LRBA: variants seen among roughly 807,000 people sequenced by gnomAD.
The protein encoded by LRBA is lipopolysaccharide-responsive and beige-like anchor protein.
A neutral mutation model predicts 330.0 loss-of-function variants in LRBA; 176 were observed. The ratio of observed to expected loss-of-function variants is 0.53; its 90% CI spans 0.47 to 0.60. LRBA has a LOEUF of 0.60. LRBA is among the 20% of genes least tolerant of loss of function. LRBA has a pLI of 0.00. For missense variants in LRBA, 3,259 were observed against 3,444.8 expected (o/e 0.95, Z 1.35); for synonymous variants, 1,230 against 1,193.0 (o/e 1.03, Z -0.64).
intron 34 of LRBA, among the ~76,000 whole-genome samples, chr4:150,789,776 G>A (rs1028380772): frequency 2.0e-5 from 3 of 151,954 alleles, no homozygotes; most frequent in Non-Finnish European, 4.4e-5. Flanking sequence ...TCAGTAGATT[G>A]ATTAGAATAG....
Position 150,817,225 on chromosome 4 carries a change from A to T in LRBA, c.5204T>A (p.Val1735Asp), listed in dbSNP as rs780962846. ...SVIVAAKKSA[V>D]SPSTFNTSIP... ...GCTTGTATTAAAGGTGGAAGGTGAG[A>T]CTGCTGACTTTTTTGCTGCAACAAT... The change falls in exon 31 of 57, where the codon GTC (valine) becomes GAC (aspartate). Residue 1735 changes from valine to aspartate, a missense_variant. Physicochemically the swap from Val to Asp is radical, Grantham distance 152 (BLOSUM62 -3). Transcript: ENST00000651943. 6.2e-7 allele frequency: 1 copy of T among 1,612,248 alleles called. No individual in the cohort carries two copies. Among genetic ancestry groups the T allele is most frequent in the South Asian group, 1.1e-5 (1 of 91,016 alleles).
chr4:150,576,676 C>T (rs1770585123), intron 40 of LRBA, among the ~76,000 whole-genome samples: 1 of 151,766 alleles, frequency 6.6e-6, no homozygotes, highest in South Asian at 2.1e-4. Context: ...CTATATAATA[C>T]AAGAATTATA....
At chr4:150,941,214 G>A (rs1041474821) in intron 2 of LRBA, among the ~76,000 whole-genome samples, 1 of 152,010 alleles carries the variant, frequency 6.6e-6, no homozygotes, top group Admixed American at 6.6e-5. Flanking sequence ...CTGGAGTTCA[G>A]CAGCATCGGC....
At chr4:150,278,782 G>A (rs1355079776) in intron 55 of LRBA, among the ~76,000 whole-genome samples, 1 of 151,874 alleles carries the variant, frequency 6.6e-6, no homozygotes, top group Non-Finnish European at 1.5e-5. Context: ...CATGACACAT[G>A]AATATTTATA....
intron 30 of LRBA, among the ~76,000 whole-genome samples, chr4:150,825,924 A>C (rs1746197651): frequency 6.6e-6 from 1 of 152,206 alleles, no homozygotes; most frequent in Non-Finnish European, 1.5e-5. Flanking sequence ...TATTGTAAAG[A>C]AAAGGAAGTT....
At chr4:150,980,808 T>A (rs1283094185) in intron 2 of LRBA, among the ~76,000 whole-genome samples, 1 of 152,114 alleles carries the variant, frequency 6.6e-6, no homozygotes, top group African/African-American at 2.4e-5. Context: ...AAATCAACAT[T>A]TGAATATCAG....
At chr4:150,605,161 A>T (rs1342796003) in intron 37 of LRBA, among the ~76,000 whole-genome samples, 25 of 152,212 alleles carry the variant, frequency 1.6e-4, no homozygotes, top group Admixed American at 1.6e-3. Flanking sequence ...TAATTACTGA[A>T]ATCAGTGGTA....
intron 2 of LRBA, among the ~76,000 whole-genome samples, chr4:150,984,284 G>A (rs886130853): frequency 4.6e-5 from 7 of 151,816 alleles, no homozygotes; most frequent in South Asian, 4.1e-4. Context: ...AGGCCAAGGC[G>A]GGCGGATCAC....
intron 37 of LRBA, among the ~76,000 whole-genome samples, chr4:150,604,680 A>G (rs770944772): frequency 6.6e-6 from 1 of 152,168 alleles, no homozygotes; most frequent in Non-Finnish European, 1.5e-5. Context: ...GCACAACTCC[A>G]GGGGGCACTT....
chr4:150,492,636 T>A (rs1461224861), intron 40 of LRBA, among the ~76,000 whole-genome samples: 1 of 152,122 alleles, frequency 6.6e-6, no homozygotes, highest in Non-Finnish European at 1.5e-5. Flanking sequence ...AAAATACAAA[T>A]CAGATCACAT....
chr4:150,341,488 C>T (rs1374001056), intron 48 of LRBA, among the ~76,000 whole-genome samples: 1 of 152,010 alleles, frequency 6.6e-6, no homozygotes. Flanking sequence ...TTCTTATGCT[C>T]TCCCTTCCTA....
chr4:150,610,936 T>C (rs1364469755), intron 37 of LRBA, among the ~76,000 whole-genome samples: 1 of 152,120 alleles, frequency 6.6e-6, no homozygotes, highest in Non-Finnish European at 1.5e-5. Context: ...AATCAATATA[T>C]CCAGTCCCCT....
At position 150,754,222 on chromosome 4, in the gene LRBA, C is replaced by T. The variant is rs148952594; in HGVS notation, c.5645+7561G>A. Among the ~76,000 whole-genome samples, 644 of 152,070 alleles carry T rather than the reference C, an allele frequency of 4.2e-3. 4 individuals are homozygous for T. Among genetic ancestry groups the T allele is most frequent in the African/African-American group, 0.014 (568 of 41,522 alleles). Reference sequence around the variant, plus strand: ...AAATTAAAAATAAAAAATGACCTGACCATGTCAGTACTTTAAGCCAAAACA... The same window carrying T: ...AAATTAAAAATAAAAAATGACCTGATCATGTCAGTACTTTAAGCCAAAACA... On this transcript the variant is annotated intron_variant, in intron 35 of 56. Transcript: ENST00000651943.
At chr4:150,584,430 C>G (rs1326655771) in intron 40 of LRBA, 40 of 131,434 alleles carry the variant, frequency 3.0e-4, no homozygotes, top group South Asian at 4.5e-4. Flanking sequence ...TAGTTCCCCC[C>G]CCTTTTCCTT....
intron 17 of LRBA, 108 bp downstream of exon 17, chr4:150,892,944 G>T: frequency 1.6e-6 from 1 of 634,258 alleles, no homozygotes; most frequent in Non-Finnish European, 2.6e-6. Context: ...CTCATTTCAT[G>T]CTATAAACTC....
intron 47 of LRBA, among the ~76,000 whole-genome samples, chr4:150,361,788 T>G (rs2151843830): frequency 6.6e-6 from 1 of 151,248 alleles, no homozygotes; most frequent in South Asian, 2.1e-4. Context: ...TTTTTTTTTT[T>G]GAGACGGAGT....
Position 150,579,890 on chromosome 4 carries a change from G to C in LRBA, c.6330+8158C>G, listed in dbSNP as rs578236147. On this transcript the variant is annotated intron_variant, in intron 40 of 56. Coordinates refer to ENST00000651943, the MANE Select transcript of LRBA (RefSeq NM_001364905.1). ...ACGACGAAGCGACCACCTCGAGAGT[G>C]GGGCGGGAAAGCTCCGCACCCTCTA... The C allele has an allele frequency of 3.4e-3, 1,230 of 364,142 alleles. 5 individuals are homozygous for C. The highest frequency in any genetic ancestry group is 0.028 in the Middle Eastern group (27 of 976). The allele number at this position is 364,142 out of a possible 1,614,324, so 22.6% of individuals were successfully genotyped here. A position where few individuals can be genotyped will look rare whatever the true frequency, so the allele number is the denominator to read the frequency against.
At chr4:150,841,308 G>C (rs1221751258) in intron 28 of LRBA, among the ~76,000 whole-genome samples, 2 of 152,144 alleles carry the variant, frequency 1.3e-5, no homozygotes, top group Non-Finnish European at 2.9e-5. Flanking sequence ...GAAGTTTACA[G>C]TATATGCCTG....
chr4:150,809,922 TACG>T, intron 31 of LRBA, among the ~76,000 whole-genome samples: 1 of 126,632 alleles, frequency 7.9e-6, no homozygotes, highest in East Asian at 2.2e-4. Context: ...TACGATACGA[TACG>T]ATACGATACT....
Sources: gnomAD v4.1 joint callset for allele counts (sites outside exome capture counted in the v4.1 genomes callset) on GRCh38, gnomAD v4.1.1 for gene constraint, MANE v1.5 for transcripts, NCBI Gene and HGNC (gene_info 2026-07-23, HGNC 2026-07-21) for gene names.